Variants in ERICH6 observed in about 807,000 individuals in gnomAD.
The protein encoded by ERICH6 is glutamate-rich protein 6.
In ERICH6, 71 loss-of-function variants were observed where a neutral mutation model predicts 71.0. The observed-to-expected ratio is 1.00, with a 90% CI of 0.83 to 1.22. ERICH6 has a LOEUF of 1.22. ERICH6 is among the 50% of genes most tolerant of loss of function. The pLI, the probability that ERICH6 is intolerant of heterozygous loss-of-function variation, is 0.00. For synonymous variants in ERICH6, 262 were observed against 278.4 expected, an observed-to-expected ratio of 0.94 and a Z score of 0.59; for missense variants, 808 against 797.2, an observed-to-expected ratio of 1.01 and a Z score of -0.16.
At chr3:150,699,312 AAAAC>A (rs1055327980) in intron 2 of ERICH6, among the ~76,000 whole-genome samples, 13 of 152,188 alleles carry the variant, frequency 8.5e-5, no homozygotes, top group East Asian at 1.9e-4. Flanking sequence ...CTCTATCTCA[AAAAC>A]AAACAAACAA....
intron 3 of ERICH6, among the ~76,000 whole-genome samples, chr3:150,690,999 C>G (rs1056447898): frequency 1.3e-5 from 2 of 152,142 alleles, no homozygotes; most frequent in African/African-American, 4.8e-5. Context: ...TGTTTCAAAG[C>G]TAAACTCTAA....
intron 11 of ERICH6, among the ~76,000 whole-genome samples, chr3:150,670,783 T>C (rs1711499162): frequency 6.6e-6 from 1 of 152,150 alleles, no homozygotes; most frequent in Admixed American, 6.6e-5. Context: ...TCAAAAGCAA[T>C]AAAATATACT....
intron 7 of ERICH6, 39 bp downstream of exon 7, chr3:150,682,179 A>G (rs760781985): frequency 6.7e-7 from 1 of 1,493,704 alleles, no homozygotes; most frequent in Non-Finnish European, 9.3e-7. Context: ...ATGTTTAAAG[A>G]TAATACTATT....
At chr3:150,674,239 A>C (rs566509635) in intron 10 of ERICH6, among the ~76,000 whole-genome samples, 198 bp from the exon 11 acceptor site, 30 of 152,286 alleles carry the variant, frequency 2.0e-4, no homozygotes, top group African/African-American at 7.0e-4. Flanking sequence ...GTATAACTTG[A>C]TAAAAATCCT....
chr3:150,682,443 T>C, intron 6 of ERICH6, 127 bp from the exon 7 acceptor site: 1 of 655,616 alleles, frequency 1.5e-6, no homozygotes, highest in South Asian at 1.9e-5. Context: ...GATGTGCCAG[T>C]AAGTGATATC....
At chr3:150,661,745 G>C (rs1727230621) in intron 13 of ERICH6, among the ~76,000 whole-genome samples, 1 of 152,116 alleles carries the variant, frequency 6.6e-6, no homozygotes, top group African/African-American at 2.4e-5. Context: ...GCTGGGCATG[G>C]TGGTGCATGC....
At chr3:150,668,642 G>A (rs1028461707) in intron 12 of ERICH6, among the ~76,000 whole-genome samples, 9 of 152,200 alleles carry the variant, frequency 5.9e-5, no homozygotes, top group African/African-American at 1.7e-4. Context: ...TTCCCGAGAT[G>A]AGATTGTTAT....
chr3:150,696,278 C>T (rs1712655159), intron 3 of ERICH6, among the ~76,000 whole-genome samples: 1 of 151,706 alleles, frequency 6.6e-6, no homozygotes, highest in Admixed American at 6.6e-5. Flanking sequence ...TTTTCTTAAG[C>T]CATTCACAAA....
At chr3:150,703,328 C>A (rs565445681) in intron 1 of ERICH6, among the ~76,000 whole-genome samples, 168 bp downstream of exon 1, 178 of 152,130 alleles carry the variant, frequency 1.2e-3, no homozygotes, top group Admixed American at 2.6e-3. Flanking sequence ...GCCAAGGGTT[C>A]AGTGTCTCTG....
chr3:150,663,597 C>T (rs1727299832), intron 13 of ERICH6, among the ~76,000 whole-genome samples: 1 of 152,098 alleles, frequency 6.6e-6, no homozygotes, highest in South Asian at 2.1e-4. Context: ...ACCTCAGCCT[C>T]CCAGATAGCT....
intron 3 of ERICH6, among the ~76,000 whole-genome samples, chr3:150,687,111 T>C (rs553736056): frequency 1.3e-5 from 2 of 152,336 alleles, no homozygotes; most frequent in South Asian, 4.1e-4. Context: ...CAACGTGGGC[T>C]ACCAAGCAAA....
Position 150,680,800 on chromosome 3 carries a change from A to C in ERICH6, c.1013T>G (p.Leu338Arg), listed in dbSNP as rs766598728. 6.2e-7 allele frequency: 1 copy of C among 1,610,466 alleles called. No individual in the cohort carries two copies. The highest frequency in any genetic ancestry group is 8.5e-7 in the Non-Finnish European group (1 of 1,179,164). ...HAAHGSEVDRLKAKEKALQRK... is the reference protein window; with the variant it reads ...HAAHGSEVDRRKAKEKALQRK... Reference sequence around the variant, plus strand: ...TTGCAGGGCTTTTTCTTTTGCCTTGAGTCTGTCGACCTCACTACCATGGGC... The same window carrying C: ...TTGCAGGGCTTTTTCTTTTGCCTTGCGTCTGTCGACCTCACTACCATGGGC... Residue 338 changes from leucine to arginine, a missense_variant, in exon 8 of 14, where the codon CTC becomes CGC. Around this residue, in one of 3 missense-constraint regions of ERICH6, gnomAD observed 736 missense variants for 712.2 expected, o/e 1.03. Transcript: ENST00000295910.
intron 4 of ERICH6, 125 bp downstream of exon 4, chr3:150,686,173 C>A: frequency 3.9e-6 from 5 of 1,277,828 alleles, no homozygotes; most frequent in Non-Finnish European, 5.7e-6. Context: ...TTTTCGCCAC[C>A]TTCTCACACC....
At position 150,665,174 on chromosome 3, in the gene ERICH6, C is replaced by A. The variant is rs182814018; in HGVS notation, c.1728+1613G>T. On this transcript the variant is annotated intron_variant, in intron 13 of 13. Transcript: ENST00000295910. ...AATTTGACTGCAGTTTCCAGACTTA[C>A]TGAAAGGAACTGGAAAAGTGCTTAG... Among the ~76,000 whole-genome samples the A allele has an allele frequency of 2.6e-4, 40 of 152,262 alleles. No homozygotes were observed. The Middle Eastern group carries it at 0.01, about 39-fold the overall frequency.
intron 7 of ERICH6, among the ~76,000 whole-genome samples, chr3:150,681,774 G>A (rs980206684): frequency 1.4e-5 from 2 of 142,170 alleles, no homozygotes; most frequent in African/African-American, 5.2e-5. Flanking sequence ...CTGTGCTTGT[G>A]ATTTGCGTTT....
intron 3 of ERICH6, among the ~76,000 whole-genome samples, chr3:150,687,947 G>A (rs953220282): frequency 1.3e-5 from 2 of 151,962 alleles, no homozygotes; most frequent in African/African-American, 4.8e-5. Context: ...CTGAGACCTG[G>A]TCTCTATGAA....
At chr3:150,688,783 G>A (rs988592362) in intron 3 of ERICH6, among the ~76,000 whole-genome samples, 1 of 152,130 alleles carries the variant, frequency 6.6e-6, no homozygotes, top group Non-Finnish European at 1.5e-5. Flanking sequence ...GAGTTGTCCC[G>A]CCTTTCCAGA....
intron 9 of ERICH6, among the ~76,000 whole-genome samples, chr3:150,679,222 A>G (rs551611480): frequency 6.6e-6 from 1 of 151,654 alleles, no homozygotes; most frequent in Non-Finnish European, 1.5e-5. Context: ...TTTTATTTTT[A>G]TTTATTTTTA....
chr3:150,686,993 A>G (rs530990428), intron 3 of ERICH6, among the ~76,000 whole-genome samples: 29 of 152,218 alleles, frequency 1.9e-4, no homozygotes, highest in Non-Finnish European at 1.2e-4. Flanking sequence ...CAACATGGCA[A>G]AACCCTGTCT....
Sources: gnomAD v4.1 joint callset for allele counts (sites outside exome capture counted in the v4.1 genomes callset) on GRCh38, gnomAD v4.1.1 for gene constraint, gnomAD v4.1.1 regional missense constraint, MANE v1.5 for transcripts, NCBI Gene and HGNC (gene_info 2026-07-23, HGNC 2026-07-21) for gene names.